Variants in PDGFRB observed in about 807,000 individuals in gnomAD.
PDGFRB encodes platelet-derived growth factor receptor beta.
A neutral mutation model predicts 120.2 loss-of-function variants in PDGFRB; 42 were observed. The observed-to-expected ratio is 0.35, with a 90% CI of 0.27 to 0.45. The LOEUF is 0.45. PDGFRB is among the 20% of genes least tolerant of loss of function. The pLI is 1.00. For missense variants in PDGFRB, 1,149 were observed against 1,476.3 expected (o/e 0.78, Z 3.63); for synonymous variants, 586 against 606.8 (o/e 0.97, Z 0.50).
chr5:150,127,318 C>T (rs1371640769), intron 10 of PDGFRB, among the ~76,000 whole-genome samples: 1 of 152,156 alleles, frequency 6.6e-6, no homozygotes, highest in African/African-American at 2.4e-5. Flanking sequence ...CCAGACCTGC[C>T]TCTCCCCTGC....
rs141300139 is a variant in PDGFRB, at chr5:150,136,236, A to G, written c.41-358T>C. ...AGGTCACTTTCTGAGCCTCTTCCCT[A>G]CAGCTCTCTGCCCCCTCCCCCGACT... is the stretch of plus-strand genomic sequence containing the variant. On this transcript the variant is annotated intron_variant, in intron 2 of 22. Coordinates refer to ENST00000261799, the MANE Select transcript of PDGFRB (RefSeq NM_002609.4). Among the ~76,000 whole-genome samples the G allele has an allele frequency of 9.5e-3, 1,449 of 152,174 alleles. 18 individuals carry two copies. Among genetic ancestry groups the G allele is most frequent in the Non-Finnish European group, 0.016 (1,079 of 67,982 alleles).
rs748906060 is a variant in PDGFRB, at chr5:150,135,810, G to A, written c.109C>T (p.Pro37Ser). 4 of 1,587,256 alleles carry A rather than the reference G, an allele frequency of 2.5e-6. No homozygotes were observed. The East Asian group carries it at 6.7e-5, about 27-fold the overall frequency. ...PQISQGLVVTPPGPELVLNVS... is the reference protein window; with the variant it reads ...PQISQGLVVTSPGPELVLNVS... ...TTGAGGACAAGCTCTGGCCCCGGGGGTGTGACGACCAGGCCCTGAGAGATC... is the reference window on the plus strand; with the variant it reads ...TTGAGGACAAGCTCTGGCCCCGGGGATGTGACGACCAGGCCCTGAGAGATC... Residue 37 changes from proline (P) to serine (S), a missense_variant, in exon 3 of 23, where the codon CCC becomes TCC. By Grantham distance (74) the Pro-to-Ser change is moderately conservative. Around this residue, in one of 3 missense-constraint regions of PDGFRB, gnomAD observed 879 missense variants for 1,108.6 expected, o/e 0.79. Coordinates refer to ENST00000261799, the MANE Select transcript of PDGFRB (RefSeq NM_002609.4).
Position 150,132,986 on chromosome 5 carries a change from A to C in PDGFRB, c.935-44T>G, listed in dbSNP as rs2113907425. 7.2e-7 allele frequency: 1 copy of C among 1,390,748 alleles called. No homozygotes were observed. 86.2% of individuals were successfully genotyped at this position (1,390,748 alleles called of 1,614,324 possible). ...AGGGGCGGGGCCCTGGGGGCAGGGC[A>C]CCAACTGAATCCCAAAGGAGGCCAG... On this transcript the variant is annotated intron_variant, in intron 6 of 22. Coordinates refer to ENST00000261799, the MANE Select transcript of PDGFRB (RefSeq NM_002609.4). This position sits in a 1 kb window ranked among gnomAD's most constrained non-coding sequence, Gnocchi z 5.0.
intron 1 of PDGFRB, among the ~76,000 whole-genome samples, chr5:150,138,879 C>T (rs1042400907): frequency 6.6e-6 from 1 of 152,234 alleles, no homozygotes; most frequent in African/African-American, 2.4e-5. Flanking sequence ...AGCTTCCCTG[C>T]CCCTCCTCTC....
intron 1 of PDGFRB, among the ~76,000 whole-genome samples, chr5:150,146,239 T>TA (rs1240708911): frequency 6.6e-6 from 1 of 152,248 alleles, no homozygotes; most frequent in Admixed American, 6.5e-5. Context: ...GTCTTGCTTC[T>TA]ATCCACCAAC....
chr5:150,115,784 T>C lies in PDGFRB; in HGVS notation c.3300A>G (p.Glu1100=). The part of the protein sequence containing the change: ...PDSGCPAPRA[E]AEDSFL ...CCCCCTACAGGAAGCTATCCTCTGCTTCCGCCCGAGGCGCAGGGCACCCCG... is the reference window on the plus strand; with the variant it reads ...CCCCCTACAGGAAGCTATCCTCTGCCTCCGCCCGAGGCGCAGGGCACCCCG... Residue 1100 remains glutamate, a synonymous_variant, in exon 23 of 23, where the codon GAA becomes GAG. Coordinates refer to ENST00000261799, the MANE Select transcript of PDGFRB (RefSeq NM_002609.4). The C allele has an allele frequency of 1.2e-6, 2 of 1,609,968 alleles. No individual in the cohort carries two copies. The highest frequency in any genetic ancestry group is 1.7e-6 in the Non-Finnish European group (2 of 1,178,302).
At chr5:150,124,854 G>C in intron 12 of PDGFRB, 23 bp from the exon 13 acceptor site, 1 of 1,297,626 alleles carries the variant, frequency 7.7e-7, no homozygotes, top group Non-Finnish European at 1.1e-6. Flanking sequence ...TGATCCATTA[G>C]CTCCTGGCCT....
intron 10 of PDGFRB, among the ~76,000 whole-genome samples, chr5:150,128,558 A>G (rs1355682364): frequency 8.5e-5 from 13 of 152,096 alleles, no homozygotes; most frequent in Admixed American, 8.5e-4. Flanking sequence ...CACACACTCG[A>G]TCCTCCAGCC....
chr5:150,153,023 G>A (rs1418741801), intron 1 of PDGFRB, among the ~76,000 whole-genome samples: 1 of 152,224 alleles, frequency 6.6e-6, no homozygotes, highest in East Asian at 1.9e-4. Context: ...CCCAAGCCTG[G>A]TGCTGGTTAC....
At chr5:150,137,164 A>G (rs1040168908) in intron 1 of PDGFRB, 111 bp from the exon 2 acceptor site, 3 of 816,534 alleles carry the variant, frequency 3.7e-6, no homozygotes, top group Non-Finnish European at 5.9e-6. Flanking sequence ...CCCAGCCTTC[A>G]TGTCCGAGGG....
At position 150,133,651 on chromosome 5, in the gene PDGFRB, G is replaced by A. The variant is rs147707126; in HGVS notation, c.869C>T (p.Thr290Ile). Residue 290 changes from threonine (T) to isoleucine (I), a missense_variant, in exon 6 of 23, where the codon ACC becomes ATC. Physicochemically the swap from Thr to Ile is moderately conservative, Grantham distance 89. Transcript: ENST00000261799. ...SAELEDSGTY[T>I]CNVTESVNDH... is the part of the protein sequence containing the mutation. ...ATTCACACTCTCCGTCACATTGCAG[G>A]TGTAGGTCCCCGAGTCTTCTAACTC... The A allele has an allele frequency of 1.4e-5, 22 of 1,613,900 alleles. No homozygotes were observed. Among genetic ancestry groups the A allele is most frequent in the Middle Eastern group, 3.3e-4 (2 of 6,078 alleles).
intron 22 of PDGFRB, among the ~76,000 whole-genome samples, chr5:150,117,018 G>A (rs1759957577): frequency 6.6e-6 from 1 of 152,214 alleles, no homozygotes; most frequent in Admixed American, 6.5e-5. Flanking sequence ...CTCCAGTTAA[G>A]GGGAGATCCT....
chr5:150,119,922 C>T (rs575371008), intron 19 of PDGFRB, 90 bp downstream of exon 19: 6 of 767,018 alleles, frequency 7.8e-6, no homozygotes, highest in East Asian at 2.5e-5. Flanking sequence ...TATCAGGGCT[C>T]GTCCCATAGC....
At position 150,132,297 on chromosome 5, in the gene PDGFRB, G is replaced by A. The variant is rs1760489086; in HGVS notation, c.1128-203C>T. On this transcript the variant is annotated intron_variant, in intron 7 of 22. Coordinates refer to ENST00000261799, the MANE Select transcript of PDGFRB (RefSeq NM_002609.4). The surrounding 1 kb of genome is among the most constrained non-coding windows in gnomAD (Gnocchi z 5.0). ...CCCCTAGGCCAAGAGGGAGGGTTGA[G>A]ATGAACTGTGGGTGGGGGTGGGGAG... Among the ~76,000 whole-genome samples the A allele has an allele frequency of 3.3e-5, 5 of 152,332 alleles. No individual in the cohort carries two copies. The South Asian group carries it at 1.0e-3, about 32-fold the overall frequency.
In PDGFRB at chr5:150,132,005, T is replaced by C. The variant is rs374802057; in HGVS notation, c.1217A>G (p.Gln406Arg). Reference protein sequence around the residue: ...MRAFHEDAEVQLSFQLQINVP... With the variant: ...MRAFHEDAEVRLSFQLQINVP... The stretch of plus-strand genomic sequence containing the variant: ...ATTGATCTGTAGCTGGAAGGAGAGC[T>C]GGACCTCAGCATCCTCATGGAAGGC... The change falls in exon 8 of 23, where the codon CAG becomes CGG. Residue 406 changes from glutamine (Q) to arginine (R), a missense_variant. Physicochemically the swap from Gln to Arg is conservative, Grantham distance 43. Coordinates refer to ENST00000261799, the MANE Select transcript of PDGFRB (RefSeq NM_002609.4). The surrounding 1 kb of genome is among the most constrained non-coding windows in gnomAD (Gnocchi z 5.0). The C allele has an allele frequency of 2.4e-5, 38 of 1,600,550 alleles. No individual in the cohort carries two copies. The highest frequency in any genetic ancestry group is 1.7e-4 in the Middle Eastern group (1 of 6,052).
rs559425752 is a variant in PDGFRB at position 150,132,764 on chromosome 5, G to A, written c.1113C>T (p.Asn371=). ...GAGCTGCTCACCGGGTCTCCGACAC[G>A]TTGCGCGTGGACAGGGCGATTTCGC... ...SAGEIALSTR[N]VSETRYVSEL... is the part of the protein sequence containing the mutation. Residue 371 remains asparagine, a synonymous_variant, in exon 7 of 23, where the codon AAC becomes AAT. Transcript: ENST00000261799. The surrounding 1 kb of genome is among the most constrained non-coding windows in gnomAD (Gnocchi z 5.0). 92 of 1,613,026 alleles carry A rather than the reference G, an allele frequency of 5.7e-5. No homozygotes were observed. The highest frequency in any genetic ancestry group is 2.3e-4 in the South Asian group (21 of 90,870).
At chr5:150,133,428 C>A (rs1327508415) in intron 6 of PDGFRB, among the ~76,000 whole-genome samples, 158 bp downstream of exon 6, 1 of 152,148 alleles carries the variant, frequency 6.6e-6, no homozygotes, top group African/African-American at 2.4e-5. Context: ...TGGAGTGTGG[C>A]TGACTATACC....
rs762504902 is a variant in PDGFRB at position 150,122,024 on chromosome 5, C to T, written c.2200G>A (p.Gly734Arg). Residue 734 changes from glycine to arginine, a missense_variant, in exon 16 of 23, where the codon GGG becomes AGG. Physicochemically the swap from Gly to Arg is moderately radical, Grantham distance 125. Transcript: ENST00000261799. ...LPLPSHVSLTGESDGGYMDMS... is the reference protein window; with the variant it reads ...LPLPSHVSLTRESDGGYMDMS... ...TCCATGTAGCCACCGTCGCTCTCCC[C>T]GGTCAAGGACACATGGCTGGGGGTA... 18 of 1,613,348 alleles carry T rather than the reference C, an allele frequency of 1.1e-5. No homozygotes were observed. The highest frequency in any genetic ancestry group is 6.7e-5 in the East Asian group (3 of 44,904).
intron 1 of PDGFRB, 76 bp from the exon 2 acceptor site, chr5:150,137,129 G>A (rs1024525404): frequency 4.7e-6 from 6 of 1,266,842 alleles, no homozygotes; most frequent in Non-Finnish European, 5.6e-6. Context: ...CCTGGCTCCT[G>A]CAGAATGAGC....
Sources: gnomAD v4.1 joint callset for allele counts (sites outside exome capture counted in the v4.1 genomes callset) on GRCh38, gnomAD v4.1.1 for gene constraint, gnomAD v4.1.1 regional missense constraint, Gnocchi (gnomAD v3.1) non-coding constraint, MANE v1.5 for transcripts, NCBI Gene and HGNC (gene_info 2026-07-23, HGNC 2026-07-21) for gene names.